Variants in COL6A6 observed in about 807,000 individuals in gnomAD.
COL6A6 encodes the protein collagen alpha-6(VI) chain.
Under a neutral mutation model 208.6 loss-of-function variants are expected in COL6A6, and 183 were observed. The observed-to-expected ratio is 0.88, with a 90% confidence interval of 0.78 to 0.99. The LOEUF (loss-of-function observed/expected upper bound fraction) is 0.99. COL6A6 is among the 50% of genes least tolerant of loss of function. The pLI is 0.00. For synonymous variants in COL6A6, 973 were observed against 1,011.8 expected (o/e 0.96, Z 0.73); for missense variants, 2,816 against 2,815.2 (o/e 1.00, Z -0.01).
Position 130,642,405 on chromosome 3 carries a change from GT to G in COL6A6, c.5155-426del, listed in dbSNP as rs151204737. On this transcript the variant is annotated intron_variant, in intron 29 of 36. Transcript: ENST00000358511. Reference sequence around the variant, plus strand: ...AAGGTTCAGCTCTGGCTGCTGTTCAGTGGCTCAGTCAAAGAATGGGGGTTGA... The same window carrying G: ...AAGGTTCAGCTCTGGCTGCTGTTCAGGGCTCAGTCAAAGAATGGGGGTTGA... 3.3e-3 allele frequency among the ~76,000 whole-genome samples: 508 copies of G among 152,234 alleles called. 5 individuals are homozygous for G. The highest frequency in any genetic ancestry group is 0.012 in the African/African-American group (488 of 41,520).
chr3:130,555,809 C>T (rs759500872), intron 1 of COL6A6, among the ~76,000 whole-genome samples: 42 of 151,862 alleles, frequency 2.8e-4, no homozygotes, highest in Non-Finnish European at 3.2e-4. Context: ...TATTAATGTG[C>T]GTTACATTTA....
At chr3:130,650,125 C>T (rs868120421) in intron 33 of COL6A6, among the ~76,000 whole-genome samples, 51 of 152,248 alleles carry the variant, frequency 3.3e-4, no homozygotes, top group Middle Eastern at 6.8e-3. Flanking sequence ...TAAATAAATT[C>T]CCTGGGATTA....
intron 2 of COL6A6, among the ~76,000 whole-genome samples, chr3:130,561,030 GA>G (rs1156265075): frequency 6.6e-6 from 1 of 152,206 alleles, no homozygotes; most frequent in African/African-American, 2.4e-5. Context: ...CAAGTTTTGT[GA>G]AGACATAAAC....
At chr3:130,649,593 T>C in intron 33 of COL6A6, 31 bp downstream of exon 33, 1 of 1,518,376 alleles carries the variant, frequency 6.6e-7, no homozygotes, top group Non-Finnish European at 8.8e-7. Context: ...ACATGACAAT[T>C]CTTACTTATC....
intron 35 of COL6A6, among the ~76,000 whole-genome samples, chr3:130,664,667 T>C (rs1471008170): frequency 6.6e-6 from 1 of 152,132 alleles, no homozygotes; most frequent in Non-Finnish European, 1.5e-5. Context: ...AAGGAGCAAA[T>C]AAATAACTAC....
At chr3:130,561,157 A>T (rs1211810742) in intron 2 of COL6A6, among the ~76,000 whole-genome samples, 1 of 152,214 alleles carries the variant, frequency 6.6e-6, no homozygotes, top group African/African-American at 2.4e-5. Context: ...GATGGACCTT[A>T]TCAGAACCTG....
chr3:130,552,381 A>G (rs1173910478), intron 1 of COL6A6, among the ~76,000 whole-genome samples: 3 of 152,298 alleles, frequency 2.0e-5, no homozygotes, highest in Middle Eastern at 3.4e-3. Context: ...GCCTGTTACT[A>G]TTATGTAATG....
At chr3:130,656,302 GGGTGAACAA>G (rs2065787572) in intron 33 of COL6A6, among the ~76,000 whole-genome samples, 1 of 152,228 alleles carries the variant, frequency 6.6e-6, no homozygotes, top group Admixed American at 6.5e-5. Flanking sequence ...GACAAGTGGA[GGGTGAACAA>G]GGTGAAGAGG....
chr3:130,641,066 TG>T (rs2065292282), intron 28 of COL6A6, among the ~76,000 whole-genome samples: 1 of 152,220 alleles, frequency 6.6e-6, no homozygotes, highest in African/African-American at 2.4e-5. Context: ...TTTTAAAAGA[TG>T]ATTATTAATG....
chr3:130,642,621 T>G (rs1576383194), intron 29 of COL6A6, among the ~76,000 whole-genome samples: 1 of 152,208 alleles, frequency 6.6e-6, no homozygotes, highest in East Asian at 1.9e-4. Context: ...AAGGCTTGTG[T>G]GCACCAAGCT....
intron 1 of COL6A6, among the ~76,000 whole-genome samples, chr3:130,520,205 G>A: frequency 6.6e-6 from 1 of 152,252 alleles, no homozygotes; most frequent in South Asian, 2.1e-4. Flanking sequence ...TAATGCTTTT[G>A]CAATAATAAA....
chr3:130,589,083 T>A lies in COL6A6; in HGVS notation c.4126-7T>A. ...CAAATGTAATGTATTTCTTACCCTC[T>A]CCCAAGGTCAATGTTGCTGAAAGGA... On this transcript the variant is annotated splice_region_variant and splice_polypyrimidine_tract_variant and intron_variant, in intron 11 of 36. Coordinates refer to ENST00000358511, the MANE Select transcript of COL6A6 (RefSeq NM_001102608.3). The A allele has an allele frequency of 6.2e-7, 1 of 1,612,142 alleles. No individual in the cohort carries two copies. The highest frequency in any genetic ancestry group is 2.2e-5 in the East Asian group (1 of 44,878).
intron 1 of COL6A6, among the ~76,000 whole-genome samples, chr3:130,543,567 A>T (rs1477536416): frequency 6.6e-6 from 1 of 152,182 alleles, no homozygotes; most frequent in African/African-American, 2.4e-5. Flanking sequence ...CATTGCAACT[A>T]ATCCCAGTCT....
At chr3:130,612,603 A>G (rs1330651410) in intron 23 of COL6A6, among the ~76,000 whole-genome samples, 1 of 152,164 alleles carries the variant, frequency 6.6e-6, no homozygotes, top group African/African-American at 2.4e-5. Flanking sequence ...CCTGGGTTTC[A>G]TGGGAGGACT....
At chr3:130,550,023 T>C (rs2107795080) in intron 1 of COL6A6, among the ~76,000 whole-genome samples, 1 of 152,340 alleles carries the variant, frequency 6.6e-6, no homozygotes, top group African/African-American at 2.4e-5. Flanking sequence ...ATTGTAGAGA[T>C]CTTTCACCTC....
rs2063956715 is a variant in COL6A6 at position 130,599,780 on chromosome 3, C to G, written c.4623C>G (p.Pro1541=). Residue 1541 remains proline (P), a synonymous_variant, in exon 20 of 37, where the codon CCC becomes CCG. Transcript: ENST00000358511. ...AGGGCAGAAGAGGCTGGCCAGGCCC[C>G]CCCGGGACACCAGGCTCCAGAAGAA... ...GRQGRRGWPG[P]PGTPGSRRKT... is the part of the protein sequence containing the mutation. The G allele has an allele frequency of 3.7e-6, 6 of 1,613,750 alleles. No homozygotes were observed. The highest frequency in any genetic ancestry group is 5.1e-6 in the Non-Finnish European group (6 of 1,179,778).
intron 12 of COL6A6, among the ~76,000 whole-genome samples, chr3:130,590,329 T>TTTTTTA (rs2063672390): frequency 8.9e-6 from 1 of 112,406 alleles, no homozygotes; most frequent in Non-Finnish European, 1.8e-5. Flanking sequence ...TTTTTTTTTT[T>TTTTTTA]ACTATAAGTT....
chr3:130,517,131 C>T (rs1471112051), upstream of COL6A6, among the ~76,000 whole-genome samples: 4 of 152,194 alleles, frequency 2.6e-5, no homozygotes, highest in Non-Finnish European at 5.9e-5. Context: ...GGGTCGGGCC[C>T]GGGGCGGGGA....
At chr3:130,602,147 C>T (rs2064042478) in intron 20 of COL6A6, among the ~76,000 whole-genome samples, 2 of 152,192 alleles carry the variant, frequency 1.3e-5, no homozygotes, top group South Asian at 4.1e-4. Flanking sequence ...CAGTGTCTAT[C>T]ACAACACAGG....
Sources: allele counts gnomAD v4.1 joint callset (sites outside exome capture counted in the v4.1 genomes callset), GRCh38; gene constraint gnomAD v4.1.1; transcripts MANE v1.5; gene names NCBI Gene and HGNC (gene_info 2026-07-23, HGNC 2026-07-21).